Variants in AHCYL2 observed in about 807,000 individuals in gnomAD.
AHCYL2 encodes the protein S-adenosylhomocysteine hydrolase-like protein 2.
In AHCYL2, 28 loss-of-function variants were observed where a neutral mutation model predicts 81.4. The observed-to-expected ratio is 0.34, with a 90% CI of 0.25 to 0.47. The LOEUF (loss-of-function observed/expected upper bound fraction) is 0.47. AHCYL2 is among the 20% of genes least tolerant of loss of function. The probability of loss-of-function intolerance (pLI) is 1.00; values close to 1 mark genes in which losing one functional copy is unlikely to be tolerated. For synonymous variants in AHCYL2, 272 were observed against 290.2 expected, an observed-to-expected ratio of 0.94 and a Z score of 0.64; for missense variants, 551 against 785.1, an observed-to-expected ratio of 0.70 and a Z score of 3.56.
chr7:129,390,901 C>CT (rs1027560880), intron 4 of AHCYL2, among the ~76,000 whole-genome samples: 7 of 151,446 alleles, frequency 4.6e-5, no homozygotes, highest in South Asian at 2.1e-4. Context: ...TATTAAAAAA[C>CT]TTTTTTTTTG....
intron 1 of AHCYL2, among the ~76,000 whole-genome samples, chr7:129,236,350 G>GCCA (rs1212400025): frequency 6.6e-6 from 1 of 151,842 alleles, no homozygotes; most frequent in African/African-American, 2.4e-5. Flanking sequence ...ACAGGTGTGT[G>GCCA]CCACCACCCC....
intron 1 of AHCYL2, among the ~76,000 whole-genome samples, chr7:129,339,254 T>G (rs1793072060): frequency 6.6e-6 from 1 of 152,214 alleles, no homozygotes; most frequent in African/African-American, 2.4e-5. Context: ...ACGTTCATGG[T>G]GGAAGTGCAA....
chr7:129,362,431 T>G (rs749057319), intron 1 of AHCYL2, among the ~76,000 whole-genome samples: 13 of 152,086 alleles, frequency 8.5e-5, no homozygotes, highest in Non-Finnish European at 1.6e-4. Context: ...GTGTCTGTGA[T>G]AGCACTGGCA....
intron 1 of AHCYL2, among the ~76,000 whole-genome samples, chr7:129,254,367 T>G (rs1795339695): frequency 6.6e-6 from 1 of 152,218 alleles, no homozygotes; most frequent in Non-Finnish European, 1.5e-5. Context: ...GTGTAACTGC[T>G]TATACCTTTC....
intron 1 of AHCYL2, among the ~76,000 whole-genome samples, chr7:129,273,873 C>A (rs1395142687): frequency 6.6e-6 from 1 of 151,996 alleles, no homozygotes; most frequent in Non-Finnish European, 1.5e-5. Context: ...TTAAAGAAAT[C>A]ATAATAATAA....
intron 1 of AHCYL2, among the ~76,000 whole-genome samples, chr7:129,255,602 A>G (rs1490766838): frequency 6.6e-6 from 1 of 152,234 alleles, no homozygotes; most frequent in East Asian, 1.9e-4. Flanking sequence ...GTGCGTGCGC[A>G]CGCGCATGTT....
chr7:129,358,326 G>A (rs868526204), intron 1 of AHCYL2, among the ~76,000 whole-genome samples: 1 of 151,356 alleles, frequency 6.6e-6, no homozygotes, highest in East Asian at 2.0e-4. Flanking sequence ...CGGGAGGCGG[G>A]GCTTCCTGTG....
chr7:129,282,625 T>G (rs1796484358), intron 1 of AHCYL2, among the ~76,000 whole-genome samples: 1 of 152,204 alleles, frequency 6.6e-6, no homozygotes, highest in Admixed American at 6.5e-5. Context: ...TTAATTCCCT[T>G]GTCTGCTAAT....
intron 1 of AHCYL2, among the ~76,000 whole-genome samples, chr7:129,238,234 C>T (rs909628898): frequency 2.6e-5 from 4 of 152,082 alleles, no homozygotes; most frequent in African/African-American, 9.7e-5. Context: ...TGAGTCTAGT[C>T]TTGGGTCACT....
intron 6 of AHCYL2, 116 bp from the exon 7 acceptor site, chr7:129,403,263 G>T: frequency 8.5e-6 from 5 of 586,506 alleles, no homozygotes; most frequent in Non-Finnish European, 8.8e-6. Context: ...ATAACCATAT[G>T]GGAAATTTTA....
At position 129,231,763 on chromosome 7, in the gene AHCYL2, C is replaced by T. The variant is rs568425727; in HGVS notation, c.363+6324C>T. 5.9e-5 allele frequency among the ~76,000 whole-genome samples: 9 copies of T among 152,252 alleles called. No individual in the cohort carries two copies. In the East Asian group the frequency reaches 1.3e-3, roughly 23 times the overall value. On this transcript the variant is annotated intron_variant, in intron 1 of 16. Coordinates refer to ENST00000325006, the MANE Select transcript of AHCYL2 (RefSeq NM_015328.4). ...GATTTGGTGAGAGCAGAGCAGAAAGCGGCAGTGGATTGACGTTTCTTCTGT... is the reference window on the plus strand; with the variant it reads ...GATTTGGTGAGAGCAGAGCAGAAAGTGGCAGTGGATTGACGTTTCTTCTGT...
intron 1 of AHCYL2, among the ~76,000 whole-genome samples, chr7:129,320,357 C>G (rs1797972758): frequency 6.6e-6 from 1 of 152,172 alleles, no homozygotes; most frequent in African/African-American, 2.4e-5. Flanking sequence ...CTTCTTCTGT[C>G]ACCTAGGCTG....
chr7:129,326,762 G>A (rs983721737), intron 1 of AHCYL2, among the ~76,000 whole-genome samples: 2 of 152,086 alleles, frequency 1.3e-5, no homozygotes, highest in Non-Finnish European at 2.9e-5. Flanking sequence ...AAGATACAAG[G>A]GATGTTAGAA....
At chr7:129,243,166 G>T (rs113408352) in intron 1 of AHCYL2, among the ~76,000 whole-genome samples, 4 of 151,482 alleles carry the variant, frequency 2.6e-5, no homozygotes, top group African/African-American at 2.4e-5. Context: ...GATTACAGGC[G>T]CCTGCCACTG....
At chr7:129,232,627 T>C (rs1794487855) in intron 1 of AHCYL2, among the ~76,000 whole-genome samples, 2 of 152,234 alleles carry the variant, frequency 1.3e-5, no homozygotes, top group African/African-American at 2.4e-5. Context: ...GCTGATTCAG[T>C]CCCTCAAACT....
chr7:129,225,565 C>G, intron 1 of AHCYL2, 126 bp downstream of exon 1: 1 of 1,359,980 alleles, frequency 7.4e-7, no homozygotes, highest in Non-Finnish European at 9.4e-7. Flanking sequence ...TACCCCTTGT[C>G]CCCTTAAACC....
intron 1 of AHCYL2, chr7:129,377,717 CAAAA>C: frequency 2.4e-6 from 1 of 409,182 alleles, no homozygotes; most frequent in Non-Finnish European, 4.9e-6. Context: ...ACAGAGAAAA[CAAAA>C]AAGTTATTAG....
chr7:129,353,166 TC>T (rs1391024930), intron 1 of AHCYL2, among the ~76,000 whole-genome samples: 6 of 152,152 alleles, frequency 3.9e-5, no homozygotes, highest in Non-Finnish European at 8.8e-5. Context: ...CAGGCTGGTC[TC>T]GAACTCCTGA....
intron 1 of AHCYL2, among the ~76,000 whole-genome samples, chr7:129,349,578 G>A (rs545900360): frequency 6.6e-6 from 1 of 150,530 alleles, no homozygotes; most frequent in East Asian, 1.9e-4. Context: ...CTTGAACCCG[G>A]GAAGCGGAGG....
Sources: gnomAD v4.1 joint callset for allele counts (sites outside exome capture counted in the v4.1 genomes callset) on GRCh38, gnomAD v4.1.1 for gene constraint, MANE v1.5 for transcripts, NCBI Gene and HGNC (gene_info 2026-07-23, HGNC 2026-07-21) for gene names.